Variants in KLC2 observed in about 807,000 individuals in gnomAD.
The protein encoded by KLC2 is kinesin light chain 2, also known as KLC 2.
A neutral mutation model predicts 75.1 loss-of-function variants in KLC2; 35 were observed. That is an observed-to-expected ratio of 0.47 (90% CI 0.36 to 0.62). The LOEUF is 0.62. KLC2 is among the 20% of genes least tolerant of loss of function. The pLI, the probability that KLC2 is intolerant of heterozygous loss-of-function variation, is 0.00. For synonymous variants in KLC2, 314 were observed against 336.7 expected (o/e 0.93, Z 0.74); for missense variants, 611 against 833.2 (o/e 0.73, Z 3.28).
At chr11:66,252,215 A>C in the KLC2 span, among the ~76,000 whole-genome samples, 1 of 152,244 alleles carries the variant, frequency 6.6e-6, no homozygotes, top group African/African-American at 2.4e-5. Flanking sequence ...TGGTGATGAG[A>C]ATAAACAACC....
chr11:66,266,777 A>T, intron 15 of KLC2, 96 bp from the exon 16 acceptor site: 1 of 1,309,168 alleles, frequency 7.6e-7, no homozygotes, highest in Non-Finnish European at 1.1e-6. Flanking sequence ...CAGCTCAGGG[A>T]TTCCGGCTGC....
At chr11:66,263,520 C>T in intron 5 of KLC2, 140 bp from the exon 6 acceptor site, 1 of 626,614 alleles carries the variant, frequency 1.6e-6, no homozygotes. Context: ...AGAGCAGGAG[C>T]TGAGCAGGTC....
chr11:66,266,792 G>A, intron 15 of KLC2, 81 bp from the exon 16 acceptor site: 1 of 1,448,510 alleles, frequency 6.9e-7, no homozygotes, highest in Non-Finnish European at 9.7e-7. Context: ...GGCTGCCTCT[G>A]CCAGGTCAGA....
Position 66,266,959 on chromosome 11 carries a change from C to T in KLC2, c.*3C>T. 1 of 1,612,068 alleles carries T rather than the reference C, an allele frequency of 6.2e-7. No individual in the cohort carries two copies. Among genetic ancestry groups the T allele is most frequent in the Non-Finnish European group, 8.5e-7 (1 of 1,179,960 alleles). Reference sequence around the variant, plus strand: ...GACGAAGCTCCCTGGTGGGCTAATGCTGAAGGGGCAGCCAGTCACCAGAGC... The same window carrying T: ...GACGAAGCTCCCTGGTGGGCTAATGTTGAAGGGGCAGCCAGTCACCAGAGC... On this transcript the variant is annotated 3_prime_UTR_variant, in exon 16 of 16. Coordinates refer to ENST00000394067, the MANE Select transcript of KLC2 (RefSeq NM_001318734.2).
chr11:66,252,554 T>C (rs1044792900), upstream of KLC2, among the ~76,000 whole-genome samples: 5 of 152,316 alleles, frequency 3.3e-5, no homozygotes, highest in East Asian at 3.9e-4. Context: ...TGAGCCACCG[T>C]GCCCAGCCCC....
the KLC2 span, among the ~76,000 whole-genome samples, chr11:66,248,190 T>A: frequency 6.6e-6 from 1 of 152,210 alleles, no homozygotes; most frequent in African/African-American, 2.4e-5. Flanking sequence ...TACCTTTAGA[T>A]TTATGGAAAA....
rs748749321 is a variant in KLC2 at position 66,263,732 on chromosome 11, C to A, written c.825C>A (p.Gly275=). The A allele has an allele frequency of 1.2e-6, 2 of 1,613,624 alleles. No homozygotes were observed. Among genetic ancestry groups the A allele is most frequent in the East Asian group, 4.5e-5 (2 of 44,886 alleles). ...DALAIREKTL[G]KDHPAVAATL... is the part of the protein sequence containing the mutation. Reference sequence around the variant, plus strand: ...TGGCCATCCGGGAGAAAACACTGGGCAAGGACCACCCAGCCGTGAGTGAGG... The same window carrying A: ...TGGCCATCCGGGAGAAAACACTGGGAAAGGACCACCCAGCCGTGAGTGAGG... Residue 275 remains glycine (G), a synonymous_variant, in exon 6 of 16, where the codon GGC becomes GGA. Transcript: ENST00000394067.
At position 66,267,002 on chromosome 11, in the gene KLC2, C is replaced by A. The variant is rs755465011; in HGVS notation, c.*46C>A. 1.1e-5 allele frequency: 17 copies of A among 1,605,718 alleles called. No individual in the cohort carries two copies. The highest frequency in any genetic ancestry group is 1.4e-5 in the Non-Finnish European group (17 of 1,179,302). The stretch of plus-strand genomic sequence containing the variant: ...ACCAGAGCGCCCACCTGGCACACCC[C>A]CCTCACCCCAGCCCTGCGCATGGGC... On this transcript the variant is annotated 3_prime_UTR_variant, in exon 16 of 16. Coordinates refer to ENST00000394067, the MANE Select transcript of KLC2 (RefSeq NM_001318734.2).
At position 66,267,022 on chromosome 11, in the gene KLC2, A is replaced by G. The variant is rs1856882237; in HGVS notation, c.*66A>G. ...CACCCCCCTCACCCCAGCCCTGCGCATGGGCCTGCTGCTTGTCCCGCCTGT... is the reference window on the plus strand; with the variant it reads ...CACCCCCCTCACCCCAGCCCTGCGCGTGGGCCTGCTGCTTGTCCCGCCTGT... On this transcript the variant is annotated 3_prime_UTR_variant, in exon 16 of 16. Transcript: ENST00000394067. 1.3e-6 allele frequency: 2 copies of G among 1,586,108 alleles called. No homozygotes were observed. Among genetic ancestry groups the G allele is most frequent in the Non-Finnish European group, 1.7e-6 (2 of 1,169,982 alleles).
intron 1 of KLC2, 34 bp from the exon 2 acceptor site, chr11:66,258,550 C>T (rs1469072016): frequency 6.7e-7 from 1 of 1,495,630 alleles, no homozygotes; most frequent in East Asian, 2.3e-5. Flanking sequence ...GCCCCAGGCC[C>T]GGCGCCCGCC....
the KLC2 span, among the ~76,000 whole-genome samples, chr11:66,247,148 A>C: frequency 6.6e-6 from 1 of 152,108 alleles, no homozygotes; most frequent in Non-Finnish European, 1.5e-5. Context: ...CCCACCATCT[A>C]ATCCATGAGC....
In KLC2 at chr11:66,262,861, G is replaced by A. The variant is rs760062249; in HGVS notation, c.577G>A (p.Glu193Lys). ...GDVSGQHGGY[E>K]IPARLRTLHN... ...TGTGTCTGGTCAGCATGGGGGCTAC[G>A]AGATCCCGGCCCGGCTCCGCACCCT... Residue 193 changes from glutamate (E) to lysine (K), a missense_variant, in exon 5 of 16, where the codon GAG (glutamate) becomes AAG (lysine). By Grantham distance (56) the Glu-to-Lys change is moderately conservative (BLOSUM62 1). Coordinates refer to ENST00000394067, the MANE Select transcript of KLC2 (RefSeq NM_001318734.2). 10 of 1,613,508 alleles carry A rather than the reference G, an allele frequency of 6.2e-6. No individual in the cohort carries two copies. The highest frequency in any genetic ancestry group is 4.4e-5 in the South Asian group (4 of 91,062).
chr11:66,244,584 T>C, the KLC2 span: 2 of 152,386 alleles, frequency 1.3e-5, no homozygotes, highest in Non-Finnish European at 2.9e-5. Context: ...TGAAAGTGTT[T>C]TTCTCATTCT....
At chr11:66,264,277 G>A in intron 8 of KLC2, 58 bp downstream of exon 8, 1 of 1,566,452 alleles carries the variant, frequency 6.4e-7, no homozygotes, top group Non-Finnish European at 8.7e-7. Context: ...GGATGAGGTT[G>A]GGGAAGAAGG....
chr11:66,265,818 T>G (rs1340986514), intron 12 of KLC2, 36 bp from the exon 13 acceptor site: 1 of 1,598,602 alleles, frequency 6.3e-7, no homozygotes, highest in East Asian at 2.2e-5. Flanking sequence ...CTGGGTGTGG[T>G]CCATTCACTG....
the KLC2 span, chr11:66,244,221 C>G: frequency 6.6e-6 from 1 of 152,402 alleles, no homozygotes; most frequent in Non-Finnish European, 1.5e-5. Flanking sequence ...TGTGGCCCCT[C>G]AGACATTCTG....
At chr11:66,247,513 C>T in the KLC2 span, among the ~76,000 whole-genome samples, 8 of 152,206 alleles carry the variant, frequency 5.3e-5, no homozygotes, top group East Asian at 1.9e-4. Flanking sequence ...GGCCTTTGCA[C>T]GGACCTTTGG....
chr11:66,267,384 G>A lies in KLC2; in HGVS notation c.*428G>A, dbSNP rs1472048631. 1.4e-6 allele frequency: 1 copy of A among 720,282 alleles called. No individual in the cohort carries two copies. Among genetic ancestry groups the A allele is most frequent in the Non-Finnish European group, 2.6e-6 (1 of 387,818 alleles). The allele number at this position is 720,282 out of a possible 1,614,324, so 44.6% of individuals were successfully genotyped here. On this transcript the variant is annotated 3_prime_UTR_variant, in exon 16 of 16. Coordinates refer to ENST00000394067, the MANE Select transcript of KLC2 (RefSeq NM_001318734.2). ...GGCCGCGCGCCTCCCTTCAGTCCAC[G>A]GTACTACCCGGGCCTCCCCTCGTCC...
At chr11:66,264,596 G>A (rs1856683270) in intron 9 of KLC2, 152 bp downstream of exon 9, 1 of 672,048 alleles carries the variant, frequency 1.5e-6, no homozygotes, top group Non-Finnish European at 2.7e-6. Flanking sequence ...AGCCACCTGT[G>A]CTCACGTTTG....
Sources: allele counts gnomAD v4.1 joint callset (sites outside exome capture counted in the v4.1 genomes callset), GRCh38; gene constraint gnomAD v4.1.1; transcripts MANE v1.5; gene names NCBI Gene and HGNC (gene_info 2026-07-23, HGNC 2026-07-21).